The following GPHN variants were observed in gnomAD, a reference collection of about 807,000 sequenced individuals.
GPHN encodes gephyrin.
In GPHN, 17 loss-of-function variants were observed where a neutral mutation model predicts 95.5. The ratio of observed to expected loss-of-function variants is 0.18; its 90% CI spans 0.12 to 0.27. The LOEUF (loss-of-function observed/expected upper bound fraction) is 0.27. GPHN is among the 10% of genes least tolerant of loss of function. The pLI is 1.00. For missense variants in GPHN, 660 were observed against 978.1 expected, an observed-to-expected ratio of 0.67 and a Z score of 4.34; for synonymous variants, 320 against 322.5, an observed-to-expected ratio of 0.99 and a Z score of 0.08.
At chr14:67,412,347 G>A in the GPHN span, 6 of 394,358 alleles carry the variant, frequency 1.5e-5, no homozygotes, top group Non-Finnish European at 2.7e-5. Context: ...TGCGCCCCGC[G>A]CCCCTCACTG....
At chr14:66,742,792 C>A (rs984826039) in intron 2 of GPHN, among the ~76,000 whole-genome samples, 1 of 152,156 alleles carries the variant, frequency 6.6e-6, no homozygotes, top group Admixed American at 6.5e-5. Context: ...GACGGAGTCT[C>A]GCTCTGTCAC....
chr14:66,706,981 A>G (rs1566847248), intron 2 of GPHN, among the ~76,000 whole-genome samples: 1 of 152,072 alleles, frequency 6.6e-6, no homozygotes, highest in Non-Finnish European at 1.5e-5. Context: ...ATACAACCCC[A>G]TCAAAAAGTG....
the GPHN span, among the ~76,000 whole-genome samples, chr14:67,495,578 A>G: frequency 6.6e-6 from 1 of 151,566 alleles, no homozygotes; most frequent in East Asian, 2.0e-4. Flanking sequence ...CGCCTCCCAG[A>G]TTCAAGCGAT....
chr14:66,581,284 A>G (rs190488504), intron 1 of GPHN, among the ~76,000 whole-genome samples: 115 of 151,896 alleles, frequency 7.6e-4, no homozygotes, highest in African/African-American at 2.4e-3. Flanking sequence ...TTATTGGGTG[A>G]TGGAATAACA....
At chr14:67,609,564 G>T in the GPHN span, among the ~76,000 whole-genome samples, 6 of 152,080 alleles carry the variant, frequency 3.9e-5, no homozygotes, top group Non-Finnish European at 8.8e-5. Flanking sequence ...TTGGGGGTGG[G>T]GCAGGGGTAT....
chr14:67,004,913 T>C (rs1478865195), intron 9 of GPHN, among the ~76,000 whole-genome samples: 2 of 151,662 alleles, frequency 1.3e-5, no homozygotes, highest in Non-Finnish European at 3.0e-5. Flanking sequence ...AAACATGACT[T>C]ACTGGAGGAG....
the GPHN span, among the ~76,000 whole-genome samples, chr14:67,295,469 G>A: frequency 3.4e-5 from 5 of 148,586 alleles, no homozygotes; most frequent in East Asian, 4.0e-4. Flanking sequence ...CAGTCTGGGC[G>A]ACGGAGTGAG....
At chr14:66,564,452 T>A (rs2140307011) in intron 1 of GPHN, among the ~76,000 whole-genome samples, 1 of 152,284 alleles carries the variant, frequency 6.6e-6, no homozygotes, top group African/African-American at 2.4e-5. Flanking sequence ...TTAGAATGAC[T>A]AAAACTTGCT....
chr14:66,800,101 TAAC>T (rs2060292229), intron 3 of GPHN, among the ~76,000 whole-genome samples: 1 of 152,136 alleles, frequency 6.6e-6, no homozygotes, highest in Non-Finnish European at 1.5e-5. Context: ...GTCTACACTT[TAAC>T]GTTATCCCTC....
chr14:67,347,513 T>C, the GPHN span: 2 of 1,469,412 alleles, frequency 1.4e-6, 1 homozygote, highest in Admixed American at 3.9e-5. Flanking sequence ...TTTTTTTTTT[T>C]TTTCTGAGAC....
intron 17 of GPHN, among the ~76,000 whole-genome samples, chr14:67,125,966 A>G (rs1232436994): frequency 6.6e-6 from 1 of 152,174 alleles, no homozygotes; most frequent in Non-Finnish European, 1.5e-5. Flanking sequence ...AAATAGAAGA[A>G]TAAGACTTTG....
intron 9 of GPHN, among the ~76,000 whole-genome samples, chr14:66,978,237 G>A (rs182857732): frequency 4.5e-4 from 68 of 152,306 alleles, no homozygotes; most frequent in Middle Eastern, 3.4e-3. Context: ...CTGAAGGCTG[G>A]TGTGGCTGTG....
At chr14:67,113,653 A>C (rs1440918432) in intron 16 of GPHN, among the ~76,000 whole-genome samples, 1 of 151,654 alleles carries the variant, frequency 6.6e-6, no homozygotes, top group Admixed American at 6.6e-5. Context: ...GGGATTTGAT[A>C]ATCAGGTTTT....
chr14:67,529,273 A>T, the GPHN span, among the ~76,000 whole-genome samples: 1 of 151,982 alleles, frequency 6.6e-6, no homozygotes, highest in Non-Finnish European at 1.5e-5. Flanking sequence ...TACTGAACAG[A>T]TTATTTGCAG....
the GPHN span, among the ~76,000 whole-genome samples, chr14:67,298,373 G>T: frequency 6.6e-6 from 1 of 151,994 alleles, no homozygotes; most frequent in African/African-American, 2.4e-5. Flanking sequence ...AAACTAGTTG[G>T]GTGTGGTGGC....
At chr14:66,808,574 G>C (rs1028028501) in intron 3 of GPHN, among the ~76,000 whole-genome samples, 2 of 152,314 alleles carry the variant, frequency 1.3e-5, no homozygotes, top group Non-Finnish European at 2.9e-5. Flanking sequence ...GCCGAGGCGA[G>C]GATTACGAGG....
chr14:66,851,212 C>CATA (rs1424213583), intron 4 of GPHN, among the ~76,000 whole-genome samples: 1 of 151,448 alleles, frequency 6.6e-6, no homozygotes, highest in Admixed American at 6.6e-5. Flanking sequence ...AAAAACTGAA[C>CATA]ATATCTATAT....
chr14:67,071,721 T>C (rs1374418641), intron 11 of GPHN, among the ~76,000 whole-genome samples: 3 of 152,098 alleles, frequency 2.0e-5, no homozygotes, highest in Admixed American at 6.5e-5. Flanking sequence ...TAGACTGATC[T>C]TCCTTTTTCA....
At chr14:67,471,660 C>T in the GPHN span, 1 of 152,254 alleles carries the variant, frequency 6.6e-6, no homozygotes, top group Non-Finnish European at 1.5e-5. Flanking sequence ...CTTCGTTCTG[C>T]TCTGGACGGG....
Sources: gnomAD v4.1 joint callset for allele counts (sites outside exome capture counted in the v4.1 genomes callset) on GRCh38, gnomAD v4.1.1 for gene constraint, MANE v1.5 for transcripts, NCBI Gene and HGNC (gene_info 2026-07-23, HGNC 2026-07-21) for gene names.